The following PKD2L2 variants were observed in gnomAD, a reference collection of about 807,000 sequenced individuals.
The protein encoded by PKD2L2 is polycystin 2 like 2, transient receptor potential cation channel.
Under a neutral mutation model 83.9 loss-of-function variants are expected in PKD2L2, and 67 were observed. That is an observed-to-expected ratio of 0.80 (90% CI 0.66 to 0.98). PKD2L2 has a LOEUF of 0.98. Among genes scored for constraint, PKD2L2 ranks in the 50% least tolerant of loss-of-function variants. The probability of loss-of-function intolerance (pLI) is 0.00; values close to 1 mark genes in which losing one functional copy is unlikely to be tolerated. For synonymous variants in PKD2L2, 223 were observed against 237.8 expected, an observed-to-expected ratio of 0.94 and a Z score of 0.57; for missense variants, 632 against 717.2, an observed-to-expected ratio of 0.88 and a Z score of 1.36.
intron 8 of PKD2L2, 97 bp from the exon 9 acceptor site, chr5:137,921,539 T>C: frequency 1.3e-6 from 1 of 745,792 alleles, no homozygotes; most frequent in Non-Finnish European, 2.3e-6. Context: ...ATATACCATA[T>C]GCTGCTAGAT....
At chr5:137,927,615 A>G (rs1019466793) in intron 12 of PKD2L2, among the ~76,000 whole-genome samples, 3 of 152,228 alleles carry the variant, frequency 2.0e-5, no homozygotes, top group Non-Finnish European at 4.4e-5. Flanking sequence ...ATAATTATAA[A>G]AGAGGATGTC....
rs142761121 is a variant in PKD2L2 at position 137,913,018 on chromosome 5, G to A, written c.1328+4072G>A. On this transcript the variant is annotated intron_variant, in intron 8 of 14. Coordinates refer to ENST00000508883, the MANE Select transcript of PKD2L2 (RefSeq NM_001300921.2). ...GGGGTTTCTCCATGTTGGTCAGGCC[G>A]GTCTCAAACTCCCGGCCTTCATTTT... 4.6e-4 allele frequency among the ~76,000 whole-genome samples: 69 copies of A among 150,504 alleles called. 2 individuals are homozygous for A. Among genetic ancestry groups the A allele is most frequent in the Middle Eastern group, 3.4e-3 (1 of 292 alleles).
rs997568709 is a variant in PKD2L2 at position 137,894,606 on chromosome 5, CTGAG to C, written c.523_524+2del. ...TCTAATTTTGGCCTTCAAATTAATA[CTGAG>C]TAAGTAGCATAAAATTATACTGTAA... is the stretch of plus-strand genomic sequence containing the variant. On this transcript the variant is annotated splice_donor_variant and coding_sequence_variant, in exon 4 of 15. Coordinates refer to ENST00000508883, the MANE Select transcript of PKD2L2 (RefSeq NM_001300921.2). LOFTEE classifies it high-confidence loss of function. The C allele has an allele frequency of 1.9e-5, 31 of 1,605,262 alleles. No individual in the cohort carries two copies. The Admixed American group carries it at 4.0e-4, about 21-fold the overall frequency.
rs1760301569 is a variant in PKD2L2, at chr5:137,935,967, A to G, written c.1784+58A>G. 31 of 955,618 alleles carry G rather than the reference A, an allele frequency of 3.2e-5. No homozygotes were observed. In the East Asian group the frequency reaches 7.4e-4, roughly 23 times the overall value. The allele number at this position is 955,618 out of a possible 1,614,324, so 59.2% of individuals were successfully genotyped here. A position where few individuals can be genotyped will look rare whatever the true frequency, so the allele number is the denominator to read the frequency against. Reference sequence around the variant, plus strand: ...ATATCATGACATGCGCATTAAGGACATGAGTTAAACACATTATTTTCCTGA... The same window carrying G: ...ATATCATGACATGCGCATTAAGGACGTGAGTTAAACACATTATTTTCCTGA... On this transcript the variant is annotated intron_variant, in intron 13 of 14. Coordinates refer to ENST00000508883, the MANE Select transcript of PKD2L2 (RefSeq NM_001300921.2).
At chr5:137,934,524 T>G (rs781218563) in intron 12 of PKD2L2, among the ~76,000 whole-genome samples, 7 of 152,074 alleles carry the variant, frequency 4.6e-5, no homozygotes, top group African/African-American at 7.2e-5. Context: ...TATGTTCGTT[T>G]AAGGCTGGGC....
intron 12 of PKD2L2, among the ~76,000 whole-genome samples, chr5:137,928,686 C>A (rs1759588637): frequency 6.6e-6 from 1 of 152,224 alleles, no homozygotes; most frequent in Non-Finnish European, 1.5e-5. Flanking sequence ...CCCGCCTTGG[C>A]CTTCCAAAGT....
At chr5:137,935,208 G>C (rs886984947) in intron 12 of PKD2L2, among the ~76,000 whole-genome samples, 1 of 152,178 alleles carries the variant, frequency 6.6e-6, no homozygotes, top group African/African-American at 2.4e-5. Context: ...CTGGGAAAAG[G>C]GTATTTGGAC....
At chr5:137,901,149 AG>A (rs1397174709) in intron 5 of PKD2L2, among the ~76,000 whole-genome samples, 10 of 151,064 alleles carry the variant, frequency 6.6e-5, no homozygotes, top group Non-Finnish European at 1.3e-4. Flanking sequence ...AAAAAAAAAA[AG>A]AAAGAAAGAA....
chr5:137,895,575 C>T (rs1756382794), intron 4 of PKD2L2, among the ~76,000 whole-genome samples: 1 of 151,602 alleles, frequency 6.6e-6, no homozygotes, highest in African/African-American at 2.4e-5. Context: ...GTGCAGTGCA[C>T]ACTTTGTGCT....
intron 3 of PKD2L2, among the ~76,000 whole-genome samples, chr5:137,893,589 A>T (rs1756183025): frequency 6.6e-6 from 1 of 152,212 alleles, no homozygotes; most frequent in Admixed American, 6.5e-5. Flanking sequence ...AATATGTTCT[A>T]TAAGTAATTC....
chr5:137,922,121 T>C (rs531072066), intron 9 of PKD2L2, among the ~76,000 whole-genome samples: 3 of 152,388 alleles, frequency 2.0e-5, no homozygotes, highest in East Asian at 3.9e-4. Context: ...ACTTACCACG[T>C]TGTGGTTTTC....
Position 137,908,850 on chromosome 5 carries a change from C to T in PKD2L2, c.1232C>T (p.Ala411Val), listed in dbSNP as rs1314952486. Residue 411 changes from alanine to valine, a missense_variant, in exon 8 of 15, where the codon GCC becomes GTC. Ala to Val is a moderately conservative substitution (Grantham distance 64). Around this residue, in one of 3 missense-constraint regions of PKD2L2, gnomAD observed 399 missense variants for 416.9 expected, o/e 0.96. Transcript: ENST00000508883. ...SRCVKDIVGF[A>V]IMFFIIFFAY... ...TGTGTTAAAGACATAGTAGGATTTG[C>T]CATCATGTTTTTTATAATATTCTTT... The T allele has an allele frequency of 6.3e-7, 1 of 1,596,086 alleles. No homozygotes were observed. The highest frequency in any genetic ancestry group is 8.6e-7 in the Non-Finnish European group (1 of 1,164,144).
chr5:137,900,275 C>A (rs1756841515), intron 5 of PKD2L2, among the ~76,000 whole-genome samples: 1 of 152,202 alleles, frequency 6.6e-6, no homozygotes, highest in Admixed American at 6.5e-5. Context: ...ACCATCTTCA[C>A]ATAAGCAGTT....
Position 137,935,819 on chromosome 5 carries a change from T to C in PKD2L2, c.1694T>C (p.Met565Thr). Residue 565 changes from methionine to threonine, a missense_variant, in exon 13 of 15, where the codon ATG becomes ACG. Physicochemically the swap from Met to Thr is moderately conservative, Grantham distance 81. Transcript: ENST00000508883. ...DENEIQNAEQ[M>T]KKWKERLEKK... ...CAGGAGATTCAAAACGCAGAGCAGA[T>C]GAAAAAATGGAAAGAGAGGCTTGAG... 3 of 1,606,488 alleles carry C rather than the reference T, an allele frequency of 1.9e-6. No individual in the cohort carries two copies. The highest frequency in any genetic ancestry group is 2.6e-6 in the Non-Finnish European group (3 of 1,173,224).
intron 8 of PKD2L2, among the ~76,000 whole-genome samples, chr5:137,910,721 G>A (rs1220488353): frequency 6.6e-6 from 1 of 151,320 alleles, no homozygotes; most frequent in Non-Finnish European, 1.5e-5. Context: ...AGAGGTTGCA[G>A]TGAGCCAAGA....
chr5:137,903,183 G>A (rs1757101797), intron 5 of PKD2L2, among the ~76,000 whole-genome samples: 2 of 152,168 alleles, frequency 1.3e-5, no homozygotes. Flanking sequence ...TATCTCATCC[G>A]TCTTCTGGGT....
intron 8 of PKD2L2, among the ~76,000 whole-genome samples, chr5:137,920,964 T>C (rs1033763861): frequency 1.3e-5 from 2 of 152,188 alleles, no homozygotes; most frequent in Non-Finnish European, 2.9e-5. Context: ...GAAAAATCAC[T>C]TGTTGAACCA....
intron 8 of PKD2L2, among the ~76,000 whole-genome samples, chr5:137,917,258 G>A (rs987958814): frequency 1.4e-5 from 2 of 147,826 alleles, no homozygotes; most frequent in African/African-American, 2.5e-5. Context: ...TCCGCCTGTT[G>A]GGTTCAAGCA....
At position 137,939,925 on chromosome 5, in the gene PKD2L2, G is replaced by A. The variant is rs1561719101; in HGVS notation, c.*18-2459G>A. The stretch of plus-strand genomic sequence containing the variant: ...TTTCCAAAGTTCTTGAAGTTGAAAG[G>A]ATAAAATTCCAGTCTTTTGCTAAAA... On this transcript the variant is annotated intron_variant, in intron 14 of 14. Transcript: ENST00000508883. 3 of 1,339,746 alleles carry A rather than the reference G, an allele frequency of 2.2e-6. No homozygotes were observed. In the East Asian group the frequency reaches 8.5e-5, roughly 38 times the overall value. The allele number at this position is 1,339,746 out of a possible 1,614,324, so 83.0% of individuals were successfully genotyped here.
Sources: allele counts gnomAD v4.1 joint callset (sites outside exome capture counted in the v4.1 genomes callset), GRCh38; gene constraint gnomAD v4.1.1; regional missense constraint gnomAD v4.1.1; transcripts MANE v1.5; gene names NCBI Gene and HGNC (gene_info 2026-07-23, HGNC 2026-07-21).